Variants in IMMP2L observed in about 807,000 individuals in gnomAD.
The protein encoded by IMMP2L is inner mitochondrial membrane peptidase subunit 2.
In IMMP2L, 18 loss-of-function variants were observed where a neutral mutation model predicts 19.3. That is an observed-to-expected ratio of 0.93 (90% confidence interval 0.64 to 1.38). The LOEUF (loss-of-function observed/expected upper bound fraction) is 1.38, where lower values mean the gene tolerates loss of function less well. Among genes scored for constraint, IMMP2L ranks in the 40% most tolerant of loss-of-function variants. The pLI is 0.00. For synonymous variants in IMMP2L, 76 were observed against 73.0 expected (o/e 1.04, Z -0.21); for missense variants, 233 against 218.2 (o/e 1.07, Z -0.43).
At chr7:111,217,120 T>TCACA (rs1385796500) in intron 3 of IMMP2L, among the ~76,000 whole-genome samples, 75 of 137,910 alleles carry the variant, frequency 5.4e-4, no homozygotes, top group African/African-American at 1.4e-3. Flanking sequence ...TCTCTCTCTC[T>TCACA]CTCTCTCACA....
At chr7:111,489,036 CTTTT>C (rs35930780) in intron 2 of IMMP2L, among the ~76,000 whole-genome samples, 2 of 87,142 alleles carry the variant, frequency 2.3e-5, no homozygotes, top group African/African-American at 1.0e-4. Context: ...CCTCAATCCA[CTTTT>C]TTTTTTTTTT....
At chr7:111,494,082 A>G (rs1320753619) in intron 2 of IMMP2L, among the ~76,000 whole-genome samples, 1 of 152,172 alleles carries the variant, frequency 6.6e-6, no homozygotes, top group African/African-American at 2.4e-5. Flanking sequence ...ATAAATAATA[A>G]TTTGATATGG....
At chr7:111,435,111 G>A (rs775262908) in intron 3 of IMMP2L, among the ~76,000 whole-genome samples, 25 of 151,868 alleles carry the variant, frequency 1.6e-4, no homozygotes, top group Non-Finnish European at 3.2e-4. Context: ...AAGCTCTATA[G>A]AAAACTGTAT....
At chr7:110,909,669 C>G (rs1348345879) in intron 4 of IMMP2L, among the ~76,000 whole-genome samples, 1 of 152,156 alleles carries the variant, frequency 6.6e-6, no homozygotes, top group Non-Finnish European at 1.5e-5. Context: ...CAAAAACTCT[C>G]TCCACTTTCA....
intron 5 of IMMP2L, among the ~76,000 whole-genome samples, chr7:110,852,864 T>C (rs1806379757): frequency 6.6e-6 from 1 of 151,956 alleles, no homozygotes; most frequent in Non-Finnish European, 1.5e-5. Flanking sequence ...GTCAGAAACA[T>C]GAGTGAAAAC....
chr7:110,672,009 GA>G (rs1295444756), intron 5 of IMMP2L, among the ~76,000 whole-genome samples: 1 of 151,452 alleles, frequency 6.6e-6, no homozygotes, highest in Admixed American at 6.6e-5. Context: ...TTTAGAAGCT[GA>G]AAAAAACAAA....
chr7:110,923,651 AATCT>A (rs1320169133), intron 4 of IMMP2L, among the ~76,000 whole-genome samples: 1 of 152,192 alleles, frequency 6.6e-6, no homozygotes, highest in African/African-American at 2.4e-5. Flanking sequence ...CATAAAATAA[AATCT>A]ATCAAATATA....
chr7:111,193,163 C>G (rs1159034461), intron 3 of IMMP2L, among the ~76,000 whole-genome samples: 1 of 152,108 alleles, frequency 6.6e-6, no homozygotes, highest in Non-Finnish European at 1.5e-5. Context: ...GTTTATTTCT[C>G]TTTTGTGAAG....
At chr7:111,355,969 A>G (rs928009222) in intron 3 of IMMP2L, among the ~76,000 whole-genome samples, 1 of 152,080 alleles carries the variant, frequency 6.6e-6, no homozygotes, top group African/African-American at 2.4e-5. Flanking sequence ...GATTATCTGA[A>G]AAACAAACTC....
At chr7:111,264,589 G>T (rs1188304671) in intron 3 of IMMP2L, among the ~76,000 whole-genome samples, 1 of 151,556 alleles carries the variant, frequency 6.6e-6, no homozygotes, top group Non-Finnish European at 1.5e-5. Context: ...CACTATTTTT[G>T]ACTTGATTAC....
At chr7:111,020,811 T>C (rs1344905016) in intron 3 of IMMP2L, among the ~76,000 whole-genome samples, 1 of 152,144 alleles carries the variant, frequency 6.6e-6, no homozygotes, top group Non-Finnish European at 1.5e-5. Flanking sequence ...AAGTGAGTTA[T>C]TGAAGTCTCC....
intron 2 of IMMP2L, among the ~76,000 whole-genome samples, chr7:111,496,984 T>C (rs1157544414): frequency 6.6e-6 from 1 of 152,174 alleles, no homozygotes; most frequent in Non-Finnish European, 1.5e-5. Context: ...CTAATTATAA[T>C]ATAATTTCTT....
chr7:111,115,556 C>T (rs1361986740), intron 3 of IMMP2L, among the ~76,000 whole-genome samples: 3 of 152,068 alleles, frequency 2.0e-5, no homozygotes, highest in Non-Finnish European at 4.4e-5. Context: ...GATTTCTGTA[C>T]TGTAAACTAC....
chr7:111,179,366 T>C (rs1807446183), intron 3 of IMMP2L, among the ~76,000 whole-genome samples: 1 of 152,062 alleles, frequency 6.6e-6, no homozygotes. Flanking sequence ...TAAAACATTA[T>C]GAGATTTTTT....
rs1584482628 is a variant in IMMP2L at position 111,292,035 on chromosome 7, G to C, written c.239+195203C>G. ...CCCCTGCAGTGAAGAAAGAACAGCT[G>C]CTCATCATCACTCATATAATATCTC... On this transcript the variant is annotated intron_variant, in intron 3 of 5. Transcript: ENST00000405709. Among the ~76,000 whole-genome samples the C allele has an allele frequency of 2.6e-5, 4 of 152,240 alleles. No individual in the cohort carries two copies. In the East Asian group the frequency reaches 7.7e-4, roughly 29 times the overall value.
At chr7:111,055,220 G>A (rs1428730746) in intron 3 of IMMP2L, among the ~76,000 whole-genome samples, 1 of 151,900 alleles carries the variant, frequency 6.6e-6, no homozygotes, top group Non-Finnish European at 1.5e-5. Flanking sequence ...CACTTTTTTT[G>A]TAGACACAGA....
chr7:111,020,219 A>G (rs1353679759), intron 3 of IMMP2L, among the ~76,000 whole-genome samples: 2 of 151,906 alleles, frequency 1.3e-5, no homozygotes, highest in African/African-American at 4.8e-5. Context: ...CCTTGCCTCT[A>G]CTACAAATAC....
intron 3 of IMMP2L, among the ~76,000 whole-genome samples, chr7:111,283,949 C>T (rs1286169964): frequency 3.3e-5 from 4 of 121,514 alleles, no homozygotes; most frequent in East Asian, 2.3e-4. Context: ...CCAGCCTGGG[C>T]GACAGAGCGA....
chr7:111,064,119 G>T (rs1307248090), intron 3 of IMMP2L, among the ~76,000 whole-genome samples: 2 of 152,176 alleles, frequency 1.3e-5, no homozygotes, highest in Non-Finnish European at 1.5e-5. Flanking sequence ...TGGACTCACA[G>T]CTCCACGTGG....
Sources: gnomAD v4.1 joint callset for allele counts (sites outside exome capture counted in the v4.1 genomes callset) on GRCh38, gnomAD v4.1.1 for gene constraint, MANE v1.5 for transcripts, NCBI Gene and HGNC (gene_info 2026-07-23, HGNC 2026-07-21) for gene names.